Variants in ALG6 observed in about 807,000 individuals in gnomAD.
The protein encoded by ALG6 is dolichyl pyrophosphate Man9GlcNAc2 alpha-1,3-glucosyltransferase.
Under a neutral mutation model 66.6 loss-of-function variants are expected in ALG6, and 46 were observed. That is an observed-to-expected ratio of 0.69 (90% CI 0.55 to 0.88). The LOEUF is 0.88. Among genes scored for constraint, ALG6 ranks in the 40% least tolerant of loss-of-function variants. ALG6 has a pLI of 0.00. For synonymous variants in ALG6, 185 were observed against 203.7 expected (o/e 0.91, Z 0.78); for missense variants, 505 against 586.8 (o/e 0.86, Z 1.44).
At chr1:63,413,553 T>TTAAAAAA in intron 9 of ALG6, 27 of 153,454 alleles carry the variant, frequency 1.8e-4, no homozygotes, top group South Asian at 8.2e-4. Context: ...AGGAGAGCTG[T>TTAAAAAA]AGTTACAAAC....
At chr1:63,403,028 G>A (rs1218242782) in intron 4 of ALG6, among the ~76,000 whole-genome samples, 1 of 147,062 alleles carries the variant, frequency 6.8e-6, no homozygotes, top group Non-Finnish European at 1.5e-5. Flanking sequence ...CCAGGAGGTG[G>A]AGGTTGCAGT....
rs372795602 is a variant in ALG6, at chr1:63,404,553, A to G, written c.346+12A>G. Reference sequence around the variant, plus strand: ...CATGCGTACAACAGGTAAAAGAGCAATGGGTAGTGAATATAAAATTTGATT... The same window carrying G: ...CATGCGTACAACAGGTAAAAGAGCAGTGGGTAGTGAATATAAAATTTGATT... On this transcript the variant is annotated intron_variant, in intron 5 of 14. Coordinates refer to ENST00000263440, the MANE Select transcript of ALG6 (RefSeq NM_013339.4). The G allele has an allele frequency of 2.5e-6, 4 of 1,609,216 alleles. No homozygotes were observed. The highest frequency in any genetic ancestry group is 3.4e-6 in the Non-Finnish European group (4 of 1,175,598).
rs762853715 is a variant in ALG6 at position 63,370,797 on chromosome 1, T to C, written c.-181T>C. The C allele has an allele frequency of 3.1e-6, 2 of 634,988 alleles. No individual in the cohort carries two copies. The highest frequency in any genetic ancestry group is 5.7e-6 in the Non-Finnish European group (2 of 352,908). The allele number at this position is 634,988 out of a possible 1,614,324, so 39.3% of individuals were successfully genotyped here. A position where few individuals can be genotyped will look rare whatever the true frequency, so the allele number is the denominator to read the frequency against. On this transcript the variant is annotated 5_prime_UTR_variant, in exon 2 of 15. Transcript: ENST00000263440. ...ATACTTCTACATAGACATAATCAAG[T>C]TTTGACTATTTGGAAACCAAGCATC...
chr1:63,375,975 T>C (rs1237588892), intron 2 of ALG6, among the ~76,000 whole-genome samples: 3 of 152,164 alleles, frequency 2.0e-5, no homozygotes, highest in Non-Finnish European at 4.4e-5. Flanking sequence ...ATATAGTTAG[T>C]GGTGTTTCAT....
rs1249524923 is a variant in ALG6 at position 63,437,093 on chromosome 1, T to C, written c.*73T>C. 2.2e-6 allele frequency: 3 copies of C among 1,345,552 alleles called. No homozygotes were observed. The highest frequency in any genetic ancestry group is 1.4e-5 in the African/African-American group (1 of 69,210). The allele number at this position is 1,345,552 out of a possible 1,614,324, so 83.4% of individuals were successfully genotyped here. A position where few individuals can be genotyped will look rare whatever the true frequency, so the allele number is the denominator to read the frequency against. ...CAGTGCTGAAAGGTTTTGTGAACTT[T>C]TTGCTATGTATAAATGAAATTACCA... On this transcript the variant is annotated 3_prime_UTR_variant, in exon 15 of 15. Coordinates refer to ENST00000263440, the MANE Select transcript of ALG6 (RefSeq NM_013339.4).
chr1:63,382,651 G>GTTTGTTTGTT, intron 2 of ALG6, among the ~76,000 whole-genome samples: 1 of 24,048 alleles, frequency 4.2e-5, no homozygotes. Context: ...GTTTTTTTTT[G>GTTTGTTTGTT]TTTGTTTTTT....
chr1:63,403,228 A>G (rs1251531546), intron 4 of ALG6, among the ~76,000 whole-genome samples: 2 of 152,110 alleles, frequency 1.3e-5, no homozygotes, highest in Non-Finnish European at 2.9e-5. Flanking sequence ...ATATGTGTAG[A>G]CTACTAAGAA....
chr1:63,400,856 T>C (rs889418650), intron 3 of ALG6, among the ~76,000 whole-genome samples: 2 of 152,158 alleles, frequency 1.3e-5, no homozygotes, highest in African/African-American at 4.8e-5. Flanking sequence ...ACTCAATGCT[T>C]CAACAGCTCT....
Position 63,434,666 on chromosome 1 carries a change from G to A in ALG6, c.1327-2157G>A, listed in dbSNP as rs116707116. ...TTAGTGTTGGTGTATTTTATGTGTGGCCCAAGATAATTCTTCTTTTTCCAG... is the reference window on the plus strand; with the variant it reads ...TTAGTGTTGGTGTATTTTATGTGTGACCCAAGATAATTCTTCTTTTTCCAG... On this transcript the variant is annotated intron_variant, in intron 14 of 14. Transcript: ENST00000263440. Among the ~76,000 whole-genome samples, 509 of 152,250 alleles carry A rather than the reference G, an allele frequency of 3.3e-3. 3 individuals are homozygous for A. The highest frequency in any genetic ancestry group is 0.012 in the African/African-American group (494 of 41,540).
chr1:63,402,488 A>C, intron 4 of ALG6, 145 bp downstream of exon 4: 2 of 508,956 alleles, frequency 3.9e-6, no homozygotes, highest in Non-Finnish European at 3.3e-6. Flanking sequence ...TTTTTTTGAG[A>C]TGAAGTCTCA....
chr1:63,375,966 TA>T (rs1336024101), intron 2 of ALG6, among the ~76,000 whole-genome samples: 2 of 152,112 alleles, frequency 1.3e-5, no homozygotes, highest in African/African-American at 4.8e-5. Flanking sequence ...TTATTTCTTA[TA>T]TAGTTAGTGG....
rs369777388 is a variant in ALG6, at chr1:63,404,457, A to G, written c.262A>G (p.Lys88Glu). 21 of 1,613,516 alleles carry G rather than the reference A, an allele frequency of 1.3e-5. No individual in the cohort carries two copies. The highest frequency in any genetic ancestry group is 1.3e-5 in the Non-Finnish European group (15 of 1,179,530). The change falls in exon 5 of 15, where the codon AAG becomes GAG. Residue 88 changes from lysine (K) to glutamate (E), a missense_variant. By Grantham distance (56) the Lys-to-Glu change is moderately conservative. Coordinates refer to ENST00000263440, the MANE Select transcript of ALG6 (RefSeq NM_013339.4). ...YHSLLCAYVA[K>E]FINPDWIALH... The stretch of plus-strand genomic sequence containing the variant: ...TATATATGCTTTGATTTGCAGGGCA[A>G]AGTTTATAAATCCAGACTGGATTGC...
rs546111090 is a variant in ALG6 at position 63,411,059 on chromosome 1, C to G, written c.495-87C>G. The G allele has an allele frequency of 3.7e-6, 5 of 1,334,236 alleles. No individual in the cohort carries two copies. In the East Asian group the frequency reaches 1.2e-4, roughly 31 times the overall value. The allele number at this position is 1,334,236 out of a possible 1,614,324, so 82.6% of individuals were successfully genotyped here. On this transcript the variant is annotated intron_variant, in intron 7 of 14. Transcript: ENST00000263440. ...GAGATATGCTATGAGCTTGCATTTC[C>G]TAGAGCATATCTCTTGTGTGATTTG...
chr1:63,416,100 C>G (rs1031603622), intron 11 of ALG6, 143 bp downstream of exon 11: 2 of 686,798 alleles, frequency 2.9e-6, no homozygotes, highest in African/African-American at 3.6e-5. Flanking sequence ...GTTTCCCATA[C>G]TTAGCTTCTG....
chr1:63,436,017 CTT>C (rs1450990755), intron 14 of ALG6, among the ~76,000 whole-genome samples: 1 of 152,148 alleles, frequency 6.6e-6, no homozygotes, highest in Non-Finnish European at 1.5e-5. Flanking sequence ...ATGGAAAACT[CTT>C]TGAGGCCAGA....
chr1:63,423,244 G>A (rs954587096), intron 12 of ALG6, among the ~76,000 whole-genome samples: 5 of 152,060 alleles, frequency 3.3e-5, no homozygotes, highest in Non-Finnish European at 7.4e-5. Flanking sequence ...GGCTGGTCTC[G>A]AATTCCTGAC....
At chr1:63,425,095 G>A (rs145930446) in intron 12 of ALG6, among the ~76,000 whole-genome samples, 1 of 152,164 alleles carries the variant, frequency 6.6e-6, no homozygotes, top group African/African-American at 2.4e-5. Context: ...TTTATATATG[G>A]TGTGAGGAAG....
chr1:63,401,820 A>G (rs1644466630), intron 3 of ALG6, among the ~76,000 whole-genome samples: 1 of 152,194 alleles, frequency 6.6e-6, no homozygotes, highest in African/African-American at 2.4e-5. Context: ...AATTATTTTA[A>G]CTTAACTTTT....
chr1:63,400,369 A>G (rs1644458244), intron 3 of ALG6, among the ~76,000 whole-genome samples: 1 of 131,086 alleles, frequency 7.6e-6, no homozygotes, highest in Non-Finnish European at 1.6e-5. Context: ...ATGTATATAT[A>G]TGTATATATA....
Sources: allele counts gnomAD v4.1 joint callset (sites outside exome capture counted in the v4.1 genomes callset), GRCh38; gene constraint gnomAD v4.1.1; transcripts MANE v1.5; gene names NCBI Gene and HGNC (gene_info 2026-07-23, HGNC 2026-07-21).